The following CACNA1A variants were observed in gnomAD, a reference collection of about 807,000 sequenced individuals.
The protein encoded by CACNA1A is voltage-dependent P/Q-type calcium channel subunit alpha-1A.
Under a neutral mutation model 262.4 loss-of-function variants are expected in CACNA1A, and 57 were observed. The observed-to-expected ratio is 0.22, with a 90% confidence interval of 0.18 to 0.27. The LOEUF (loss-of-function observed/expected upper bound fraction) is 0.27, where lower values mean the gene tolerates loss of function less well. CACNA1A is among the 10% of genes least tolerant of loss of function. The pLI is 1.00. For synonymous variants in CACNA1A, 1,431 were observed against 1,419.3 expected (o/e 1.01, Z -0.18); for missense variants, 2,526 against 3,562.8 (o/e 0.71, Z 7.41).
At chr19:13,326,995 T>G (rs2058375114) in intron 10 of CACNA1A, among the ~76,000 whole-genome samples, 1 of 151,410 alleles carries the variant, frequency 6.6e-6, no homozygotes, top group South Asian at 2.1e-4. Context: ...TGGGCTCAGG[T>G]GATCCACCTC....
At position 13,418,126 on chromosome 19, in the gene CACNA1A, A is replaced by G. The variant is rs2060255838; in HGVS notation, c.539+34750T>C. Among the ~76,000 whole-genome samples the G allele has an allele frequency of 2.0e-5, 3 of 152,034 alleles. No individual in the cohort carries two copies. In the South Asian group the frequency reaches 6.3e-4, roughly 32 times the overall value. On this transcript the variant is annotated intron_variant, in intron 3 of 46. Coordinates refer to ENST00000360228, the MANE Select transcript of CACNA1A (RefSeq NM_001127222.2). ...GCTCTGCCACTTACTGTTCCTCCTC[A>G]GGTGAGTTACTTAACCCCACTCTGT... is the stretch of plus-strand genomic sequence containing the variant.
At chr19:13,235,120 C>T in intron 33 of CACNA1A, 84 bp from the exon 34 acceptor site, 1 of 1,549,268 alleles carries the variant, frequency 6.5e-7, no homozygotes, top group Non-Finnish European at 8.9e-7. Context: ...ATGGCTGCTT[C>T]TGTGAACCAG....
chr19:13,284,091 A>T (rs1021874514), intron 21 of CACNA1A: 2 of 151,832 alleles, frequency 1.3e-5, no homozygotes, highest in African/African-American at 2.4e-5. Flanking sequence ...CTGAGTGGTT[A>T]AGAACAAGGA....
In CACNA1A at chr19:13,286,646, G is replaced by A. The variant is rs200333359; in HGVS notation, c.3410C>T (p.Pro1137Leu). The A allele has an allele frequency of 2.8e-5, 43 of 1,544,684 alleles. No homozygotes were observed. In the African/African-American group the frequency reaches 5.2e-4, roughly 19 times the overall value. The change falls in exon 20 of 47, where the codon CCC (proline) becomes CTC (leucine). Residue 1137 changes from proline to leucine, a missense_variant. Physicochemically the swap from Pro to Leu is moderately conservative, Grantham distance 98 (BLOSUM62 -3). Transcript: ENST00000360228. ...NPGNPSNPGP[P>L]KTPENSLIVT... ...GATAAGGCTATTCTCGGGGGTCTTGGGGGGGCCGGGATTGGATGGGTTCCC... is the reference window on the plus strand; with the variant it reads ...GATAAGGCTATTCTCGGGGGTCTTGAGGGGGCCGGGATTGGATGGGTTCCC...
At chr19:13,275,652 C>T (rs1368474944) in intron 24 of CACNA1A, 198 bp downstream of exon 24, 1 of 599,760 alleles carries the variant, frequency 1.7e-6, no homozygotes, top group Admixed American at 2.5e-5. Context: ...GAGGGGGGGT[C>T]CCTTCTCCTT....
chr19:13,490,150 C>G (rs930025599), intron 1 of CACNA1A, among the ~76,000 whole-genome samples: 7 of 152,190 alleles, frequency 4.6e-5, no homozygotes, highest in African/African-American at 1.7e-4. Flanking sequence ...CAATGACTAC[C>G]TGCTGAGAAT....
At chr19:13,287,101 C>T (rs934773880) in intron 19 of CACNA1A, 135 bp from the exon 20 acceptor site, 35 of 722,274 alleles carry the variant, frequency 4.8e-5, no homozygotes, top group Non-Finnish European at 7.2e-5. Flanking sequence ...CCTGTAATCC[C>T]AGCACTTTGG....
intron 3 of CACNA1A, among the ~76,000 whole-genome samples, chr19:13,448,951 CT>C (rs908726185): frequency 1.3e-5 from 2 of 151,692 alleles, no homozygotes; most frequent in Non-Finnish European, 2.9e-5. Context: ...TTTCTCTTTT[CT>C]TTTTTTTATT....
In CACNA1A at chr19:13,374,666, T is replaced by C. The variant is rs141419826; in HGVS notation, c.540-2887A>G. On this transcript the variant is annotated intron_variant, in intron 3 of 46. Coordinates refer to ENST00000360228, the MANE Select transcript of CACNA1A (RefSeq NM_001127222.2). Reference sequence around the variant, plus strand: ...TCACTATTCTCTTCTTGCACCTTGTTTTCTTCTGTGCTGGCACATAAAAGC... The same window carrying C: ...TCACTATTCTCTTCTTGCACCTTGTCTTCTTCTGTGCTGGCACATAAAAGC... Among the ~76,000 whole-genome samples, 11 of 152,380 alleles carry C rather than the reference T, an allele frequency of 7.2e-5. 1 individual carries two copies. The highest frequency in any genetic ancestry group is 2.4e-4 in the African/African-American group (10 of 41,600).
chr19:13,413,327 C>T (rs1488464612), intron 3 of CACNA1A, among the ~76,000 whole-genome samples: 6 of 151,018 alleles, frequency 4.0e-5, no homozygotes, highest in Non-Finnish European at 5.9e-5. Flanking sequence ...AGGATGGTCT[C>T]AATCTCCTGA....
rs1056441203 is a variant in CACNA1A at position 13,245,230 on chromosome 19, A to G, written c.4902T>C (p.Phe1634=). The G allele has an allele frequency of 1.2e-6, 2 of 1,613,868 alleles. No homozygotes were observed. Among genetic ancestry groups the G allele is most frequent in the Non-Finnish European group, 1.7e-6 (2 of 1,179,868 alleles). ...YFRDAWNIFD[F]VTVLGSITDI... Reference sequence around the variant, plus strand: ...CGGTGATGCTGCCCAGAACAGTCACAAAGTCGAAGATGTTCCAGGCATCGC... The same window carrying G: ...CGGTGATGCTGCCCAGAACAGTCACGAAGTCGAAGATGTTCCAGGCATCGC... Residue 1634 remains phenylalanine (F), a synonymous_variant, in exon 31 of 47, where the codon TTT becomes TTC. Coordinates refer to ENST00000360228, the MANE Select transcript of CACNA1A (RefSeq NM_001127222.2).
intron 3 of CACNA1A, among the ~76,000 whole-genome samples, chr19:13,438,887 C>T (rs935843426): frequency 6.6e-5 from 10 of 152,070 alleles, no homozygotes; most frequent in East Asian, 5.8e-4. Context: ...TATAGGTGCA[C>T]GCCACCACAC....
At chr19:13,239,108 GCGCCTCCCCT>G (rs56889107) in intron 31 of CACNA1A, among the ~76,000 whole-genome samples, 32,754 of 152,040 alleles carry the variant, frequency 0.22, 3,916 homozygotes, top group Non-Finnish European at 0.26. Flanking sequence ...ATGACCAGTC[GCGCCTCCCCT>G]GCTTCCTATC....
At chr19:13,380,773 A>G (rs1441176658) in intron 3 of CACNA1A, among the ~76,000 whole-genome samples, 2 of 143,408 alleles carry the variant, frequency 1.4e-5, no homozygotes, top group East Asian at 2.1e-4. Context: ...TTATTTATTT[A>G]TTTATTTATT....
Position 13,359,705 on chromosome 19 carries a change from C to G in CACNA1A, c.879G>C (p.Gly293=). The G allele has an allele frequency of 1.3e-6, 2 of 1,596,690 alleles. No individual in the cohort carries two copies. The highest frequency in any genetic ancestry group is 1.7e-6 in the Non-Finnish European group (2 of 1,171,390). Residue 293 remains glycine (G), a synonymous_variant, in exon 6 of 47, where the codon GGG becomes GGC. Transcript: ENST00000360228. ...NGTKCQPYWE[G]PNNGITQFDN... is the part of the protein sequence containing the mutation. Reference sequence around the variant, plus strand: ...CGAACTGAGTGATCCCGTTGTTGGGCCCTTCCCAGTAGGGCTGACATTTGG... The same window carrying G: ...CGAACTGAGTGATCCCGTTGTTGGGGCCTTCCCAGTAGGGCTGACATTTGG...
At position 13,384,793 on chromosome 19, in the gene CACNA1A, A is replaced by T. The variant is rs1367729178; in HGVS notation, c.540-13014T>A. Among the ~76,000 whole-genome samples, 6 of 152,312 alleles carry T rather than the reference A, an allele frequency of 3.9e-5. No individual in the cohort carries two copies. The East Asian group carries it at 1.2e-3, about 29-fold the overall frequency. On this transcript the variant is annotated intron_variant, in intron 3 of 46. Coordinates refer to ENST00000360228, the MANE Select transcript of CACNA1A (RefSeq NM_001127222.2). The stretch of plus-strand genomic sequence containing the variant: ...AGGTCACTGGTCTCCAGGGCCGCAC[A>T]GAGGTGAGTAAGAGTAAAGGATGAA...
intron 40 of CACNA1A, among the ~76,000 whole-genome samples, chr19:13,213,366 C>T (rs1377277702): frequency 6.6e-6 from 1 of 152,150 alleles, no homozygotes; most frequent in Non-Finnish European, 1.5e-5. Flanking sequence ...AGGGAGGCTC[C>T]CCAACTACCC....
At position 13,208,903 on chromosome 19, in the gene CACNA1A, G is replaced by T. The variant is rs775606907; in HGVS notation, c.6633C>A (p.His2211Gln). 1 of 1,536,622 alleles carries T rather than the reference G, an allele frequency of 6.5e-7. No homozygotes were observed. Among genetic ancestry groups the T allele is most frequent in the South Asian group, 1.2e-5 (1 of 84,040 alleles). ...GATGGTGGTGGTGGTGGTGGTGGTG[G>T]TGGTGCTGTCGATGCTTCCGATCCT... is the stretch of plus-strand genomic sequence containing the variant. ...RPKDRKHRQH[H>Q]HHHHHHHHPP... The change falls in exon 46 of 47, where the codon CAC becomes CAA. Residue 2211 changes from histidine (H) to glutamine (Q), a missense_variant. His to Gln is a conservative substitution (Grantham distance 24, BLOSUM62 0). Coordinates refer to ENST00000360228, the MANE Select transcript of CACNA1A (RefSeq NM_001127222.2).
Position 13,207,174 on chromosome 19 carries a change from C to A in CACNA1A, c.*139G>T. The A allele has an allele frequency of 1.0e-6, 1 of 964,168 alleles. No homozygotes were observed. 59.7% of individuals were successfully genotyped at this position (964,168 alleles called of 1,614,324 possible). On this transcript the variant is annotated 3_prime_UTR_variant, in exon 47 of 47. Coordinates refer to ENST00000360228, the MANE Select transcript of CACNA1A (RefSeq NM_001127222.2). The surrounding 1 kb of genome is among the most constrained non-coding windows in gnomAD (Gnocchi z 5.7). The stretch of plus-strand genomic sequence containing the variant: ...GACACCCTTGTGGCCCAGCCCTGGC[C>A]TCTCCAGAGTCTGGGGTCTCCCGGC...
Sources: gnomAD v4.1 joint callset for allele counts (sites outside exome capture counted in the v4.1 genomes callset) on GRCh38, gnomAD v4.1.1 for gene constraint, Gnocchi (gnomAD v3.1) non-coding constraint, MANE v1.5 for transcripts, NCBI Gene and HGNC (gene_info 2026-07-23, HGNC 2026-07-21) for gene names.